Variants in MTG2 observed in about 807,000 individuals in gnomAD.
MTG2 encodes mitochondrial ribosome associated GTPase 2.
In MTG2, 23 loss-of-function variants were observed where a neutral mutation model predicts 28.6. The observed-to-expected ratio is 0.80, with a 90% confidence interval of 0.58 to 1.14. The LOEUF (loss-of-function observed/expected upper bound fraction) is 1.14, where lower values mean the gene tolerates loss of function less well. MTG2 is among the 50% of genes most tolerant of loss of function. The pLI, the probability that MTG2 is intolerant of heterozygous loss-of-function variation, is 0.00. For missense variants in MTG2, 539 were observed against 552.0 expected (o/e 0.98, Z 0.24); for synonymous variants, 260 against 251.8 (o/e 1.03, Z -0.31).
rs1013069922 is a variant in MTG2, at chr20:62,203,382, A to C, written c.*2305A>C. 16 of 152,228 alleles carry C rather than the reference A, an allele frequency of 1.1e-4. No individual in the cohort carries two copies. Among genetic ancestry groups the C allele is most frequent in the African/African-American group, 3.9e-4 (16 of 41,442 alleles). 9.4% of individuals were successfully genotyped at this position (152,228 alleles called of 1,614,324 possible). ...GCCCCAAGACTTCTCCCTGCCACACACACAGCTTTTGCCATCGCGTTCTAA... is the reference window on the plus strand; with the variant it reads ...GCCCCAAGACTTCTCCCTGCCACACCCACAGCTTTTGCCATCGCGTTCTAA... On this transcript the variant is annotated 3_prime_UTR_variant, in exon 7 of 7. Transcript: ENST00000370823.
chr20:62,200,569 A>T (rs2058148012), intron 6 of MTG2, 114 bp from the exon 7 acceptor site: 1 of 1,311,538 alleles, frequency 7.6e-7, no homozygotes, highest in African/African-American at 1.5e-5. Flanking sequence ...AGAACTCAGG[A>T]AATCCGCCTT....
intron 1 of MTG2, among the ~76,000 whole-genome samples, chr20:62,185,140 G>T (rs576886538): frequency 6.6e-6 from 1 of 152,020 alleles, no homozygotes; most frequent in Non-Finnish European, 1.5e-5. Flanking sequence ...TGGCCAGGGC[G>T]TGGTGGCTGA....
intron 3 of MTG2, 112 bp downstream of exon 3, chr20:62,196,061 C>T (rs1393528980): frequency 1.5e-6 from 2 of 1,353,460 alleles, no homozygotes; most frequent in Admixed American, 4.3e-5. Flanking sequence ...GCCTGTGATC[C>T]CAGCACTTGG....
In MTG2 at chr20:62,200,899, A is replaced by G; in HGVS notation, c.1043A>G (p.Asp348Gly). 7 of 1,613,880 alleles carry G rather than the reference A, an allele frequency of 4.3e-6. No individual in the cohort carries two copies. The highest frequency in any genetic ancestry group is 5.9e-6 in the Non-Finnish European group (7 of 1,180,026). The change falls in exon 7 of 7, where the codon GAC (aspartate) becomes GGC (glycine). Residue 348 changes from aspartate (D) to glycine (G), a missense_variant. By Grantham distance (94) the Asp-to-Gly change is moderately conservative. Coordinates refer to ENST00000370823, the MANE Select transcript of MTG2 (RefSeq NM_015666.4). Reference protein sequence around the residue: ...RPHAIVANKIDLPEAQANLSQ... With the variant: ...RPHAIVANKIGLPEAQANLSQ... ...CACGCAATCGTCGCAAACAAGATTG[A>G]CCTCCCTGAAGCCCAAGCCAATCTG...
rs557922648 is a variant in MTG2 at position 62,193,563 on chromosome 20, G to A, written c.143G>A (p.Arg48His). 8.7e-4 allele frequency: 1,409 copies of A among 1,613,882 alleles called. 31 individuals carry two copies. The South Asian group carries it at 0.014, about 17-fold the overall frequency. The change falls in exon 2 of 7, where the codon CGT becomes CAT. Residue 48 changes from arginine (R) to histidine (H), a missense_variant. Arg to His is a conservative substitution (Grantham distance 29, BLOSUM62 0). Coordinates refer to ENST00000370823, the MANE Select transcript of MTG2 (RefSeq NM_015666.4). ...RASPRLLSVG[R>H]ADLAKHQELP... ...TCTCCCAGGCTGCTCTCGGTCGGCC[G>A]TGCGGACCTCGCCAAGCATCAGGAA...
At position 62,188,508 on chromosome 20, in the gene MTG2, ATTTTTTT is replaced by A. The variant is rs1192106476; in HGVS notation, c.-5-4890_-5-4884del. Reference sequence around the variant, plus strand: ...ACCACCATGTCCAGCTAATCAGCTAATTTTTTTTTTTTTTTTTTTTTTTTGGTAGACA... The same window carrying A: ...ACCACCATGTCCAGCTAATCAGCTAATTTTTTTTTTTTTTTTTGGTAGACA... On this transcript the variant is annotated intron_variant, in intron 1 of 6. Coordinates refer to ENST00000370823, the MANE Select transcript of MTG2 (RefSeq NM_015666.4). Among the ~76,000 whole-genome samples the A allele has an allele frequency of 3.1e-3, 282 of 89,744 alleles. 1 individual carries two copies. Among genetic ancestry groups the A allele is most frequent in the African/African-American group, 0.011 (243 of 22,472 alleles). 58.9% of individuals were successfully genotyped at this position (89,744 alleles called of 152,430 possible).
Position 62,199,156 on chromosome 20 carries a change from G to A in MTG2, c.725G>A (p.Arg242Gln), listed in dbSNP as rs140681886. Residue 242 changes from arginine (R) to glutamine (Q), a missense_variant, in exon 6 of 7, where the codon CGG (arginine) becomes CAG (glutamine). Arg to Gln is a conservative substitution (Grantham distance 43). Transcript: ENST00000370823. ...AACGCCGGGAAGTCCTCACTGCTCC[G>A]GGCCATTTCAAACGCCAGACCCGCC... ...FPNAGKSSLLRAISNARPAVA... is the reference protein window; with the variant it reads ...FPNAGKSSLLQAISNARPAVA... 6.9e-4 allele frequency: 1,120 copies of A among 1,614,006 alleles called. No homozygotes were observed. The highest frequency in any genetic ancestry group is 9.0e-4 in the Non-Finnish European group (1,063 of 1,180,028).
At chr20:62,190,654 GGATCCTGGCCTA>G (rs375015012) in intron 1 of MTG2, among the ~76,000 whole-genome samples, 1 of 152,230 alleles carries the variant, frequency 6.6e-6, no homozygotes, top group Non-Finnish European at 1.5e-5. Flanking sequence ...AAAGCAGGGT[GGATCCTGGCCTA>G]GATCCTGGAC....
At chr20:62,192,909 C>T (rs1321372311) in intron 1 of MTG2, among the ~76,000 whole-genome samples, 3 of 152,160 alleles carry the variant, frequency 2.0e-5, no homozygotes, top group Non-Finnish European at 4.4e-5. Flanking sequence ...GTGAGGAGGC[C>T]GAGGCCACAC....
intron 3 of MTG2, chr20:62,197,384 G>A (rs6061456): frequency 0.26 from 38,957 of 150,174 alleles, 5,089 homozygotes; most frequent in South Asian, 0.27. Flanking sequence ...CTGACAGAGC[G>A]AGACTCTGTC....
At chr20:62,183,506 G>A (rs73307497) in intron 1 of MTG2, among the ~76,000 whole-genome samples, 6,974 of 152,308 alleles carry the variant, frequency 0.046, 257 homozygotes, top group African/African-American at 0.092. Context: ...ATACACATTT[G>A]GATGATAAAA....
chr20:62,185,779 A>G (rs974170712), intron 1 of MTG2, among the ~76,000 whole-genome samples: 3 of 152,164 alleles, frequency 2.0e-5, no homozygotes, highest in African/African-American at 7.2e-5. Context: ...TTTTAGCCAA[A>G]TGGCCACATT....
intron 3 of MTG2, 110 bp downstream of exon 3, chr20:62,196,059 TC>T: frequency 7.4e-7 from 1 of 1,358,152 alleles, no homozygotes. Context: ...ATGCCTGTGA[TC>T]CCAGCACTTG....
intron 2 of MTG2, among the ~76,000 whole-genome samples, chr20:62,194,924 C>T (rs2058032277): frequency 6.6e-6 from 1 of 152,258 alleles, no homozygotes; most frequent in Admixed American, 6.5e-5. Context: ...TAGCCGGGCA[C>T]AGTGGCTCAC....
chr20:62,184,961 T>C (rs760813962), intron 1 of MTG2, among the ~76,000 whole-genome samples: 3 of 150,622 alleles, frequency 2.0e-5, no homozygotes, highest in Admixed American at 1.3e-4. Context: ...AATACAAAAA[T>C]GAGCTGGGTG....
rs144065823 is a variant in MTG2, at chr20:62,196,438, C to T, written c.352+489C>T. On this transcript the variant is annotated intron_variant, in intron 3 of 6. Coordinates refer to ENST00000370823, the MANE Select transcript of MTG2 (RefSeq NM_015666.4). ...CTGTAATCCCAGAACTTTGGGAGAC[C>T]GAGGCGGGTGGATCGCTTGAGGTCC... is the stretch of plus-strand genomic sequence containing the variant. Among the ~76,000 whole-genome samples, 39 of 151,926 alleles carry T rather than the reference C, an allele frequency of 2.6e-4. No individual in the cohort carries two copies. In the East Asian group the frequency reaches 6.2e-3, roughly 24 times the overall value.
At chr20:62,196,987 G>A (rs1452570790) in intron 3 of MTG2, among the ~76,000 whole-genome samples, 8 of 151,474 alleles carry the variant, frequency 5.3e-5, no homozygotes, top group African/African-American at 1.2e-4. Flanking sequence ...AGCTGAGATC[G>A]TGCCATTGCA....
chr20:62,186,391 C>G (rs1312580956), intron 1 of MTG2, among the ~76,000 whole-genome samples: 1 of 152,182 alleles, frequency 6.6e-6, no homozygotes, highest in Non-Finnish European at 1.5e-5. Flanking sequence ...GTATTTGGCA[C>G]TACCATAAAT....
chr20:62,193,318 G>C, intron 1 of MTG2, 98 bp from the exon 2 acceptor site: 1 of 1,187,062 alleles, frequency 8.4e-7, no homozygotes, highest in Non-Finnish European at 1.2e-6. Flanking sequence ...TTTCAGAAAC[G>C]TGCACAAAGA....
Sources: allele counts gnomAD v4.1 joint callset (sites outside exome capture counted in the v4.1 genomes callset), GRCh38; gene constraint gnomAD v4.1.1; transcripts MANE v1.5; gene names NCBI Gene and HGNC (gene_info 2026-07-23, HGNC 2026-07-21).